LOXHD1: variants seen among roughly 807,000 people sequenced by gnomAD.
LOXHD1 encodes the protein lipoxygenase homology domain-containing protein 1.
In LOXHD1, 205 loss-of-function variants were observed where a neutral mutation model predicts 248.2. The ratio of observed to expected loss-of-function variants is 0.83; its 90% CI spans 0.74 to 0.93. LOXHD1 has a LOEUF of 0.93. Among genes scored for constraint, LOXHD1 ranks in the 40% least tolerant of loss-of-function variants. The pLI is 0.00. For synonymous variants in LOXHD1, 1,113 were observed against 1,162.8 expected (o/e 0.96, Z 0.87); for missense variants, 2,930 against 2,971.6 (o/e 0.99, Z 0.33).
rs2038498323 is a variant in LOXHD1 at position 46,610,905 on chromosome 18, A to G, written c.630T>C (p.Asn210=). The stretch of plus-strand genomic sequence containing the variant: ...CTCCCTTTTCAAAGTTGTCCTTTTC[A>G]TTTTCTAGCCTACGCTCCCCTGTAT... ...YGDTGERRLE[N]EKDNFEKGAE... is the part of the protein sequence containing the mutation. Residue 210 remains asparagine (N), a synonymous_variant, in exon 6 of 41, where the codon AAT becomes AAC. Coordinates refer to ENST00000642948, the MANE Select transcript of LOXHD1 (RefSeq NM_001384474.1). 1 of 1,551,726 alleles carries G rather than the reference A, an allele frequency of 6.4e-7. No homozygotes were observed.
chr18:46,625,210 G>A (rs544113099), intron 4 of LOXHD1, among the ~76,000 whole-genome samples: 10 of 152,242 alleles, frequency 6.6e-5, no homozygotes, highest in African/African-American at 2.2e-4. Context: ...GTTCCCACCT[G>A]CCAAACCCAC....
Position 46,522,176 on chromosome 18 carries a change from C to T in LOXHD1, c.5010G>A (p.Lys1670=), listed in dbSNP as rs1198605955. The change falls in exon 32 of 41, where the codon AAG becomes AAA. Residue 1670 remains lysine (K), a synonymous_variant. Coordinates refer to ENST00000642948, the MANE Select transcript of LOXHD1 (RefSeq NM_001384474.1). ...KRIWLDYPRG[K]RGFSRGSVEE... is the part of the protein sequence containing the mutation. ...CCACAGAGCCACGGCTGAAGCCCCT[C>T]TTCCCTCGGGGGTAGTCCAACCAGA... 2 of 1,551,624 alleles carry T rather than the reference C, an allele frequency of 1.3e-6. No individual in the cohort carries two copies. The highest frequency in any genetic ancestry group is 2.7e-5 in the African/African-American group (2 of 73,040).
At chr18:46,641,121 C>G (rs759471262) in intron 3 of LOXHD1, among the ~76,000 whole-genome samples, 1 of 151,890 alleles carries the variant, frequency 6.6e-6, no homozygotes, top group Non-Finnish European at 1.5e-5. Context: ...CTGCTCGTAA[C>G]CTCCTTCCCT....
At chr18:46,513,192 C>CT (rs2035065545) in intron 34 of LOXHD1, among the ~76,000 whole-genome samples, 1 of 152,210 alleles carries the variant, frequency 6.6e-6, no homozygotes, top group Non-Finnish European at 1.5e-5. Flanking sequence ...TGTACTTTTA[C>CT]ATATATATGT....
chr18:46,621,857 G>A (rs1445434294), intron 4 of LOXHD1, among the ~76,000 whole-genome samples: 1 of 152,140 alleles, frequency 6.6e-6, no homozygotes, highest in African/African-American at 2.4e-5. Context: ...AAAATGACAT[G>A]GTGGATTCAC....
At chr18:46,613,486 A>G (rs2038538520) in intron 5 of LOXHD1, among the ~76,000 whole-genome samples, 1 of 152,036 alleles carries the variant, frequency 6.6e-6, no homozygotes, top group African/African-American at 2.4e-5. Context: ...GTAGATGATC[A>G]TTATTTTTTA....
chr18:46,483,686 C>A lies in LOXHD1; in HGVS notation c.6242G>T (p.Cys2081Phe). Residue 2081 changes from cysteine to phenylalanine, a missense_variant, in exon 40 of 41, where the codon TGT (cysteine) becomes TTT (phenylalanine). Coordinates refer to ENST00000642948, the MANE Select transcript of LOXHD1 (RefSeq NM_001384474.1). The stretch of plus-strand genomic sequence containing the variant: ...GTCTTCCCTGGCAAGGTGGCCCACA[C>A]AGAGGGAGGCAATGTCCCCCAAGTA... ...SIYLGDIASLCVGHLAREDRF... is the reference protein window; with the variant it reads ...SIYLGDIASLFVGHLAREDRF... 7 of 1,551,784 alleles carry A rather than the reference C, an allele frequency of 4.5e-6. No individual in the cohort carries two copies. Among genetic ancestry groups the A allele is most frequent in the Non-Finnish European group, 6.1e-6 (7 of 1,147,010 alleles).
Position 46,594,413 on chromosome 18 carries a change from G to A in LOXHD1, c.1188C>T (p.Asn396=), listed in dbSNP as rs2038225956. ...CATCCGCTTTCTTCTCATCCAGCCA[G>A]TTGCTACAAGGGAAGGTCTGCTGGA... The part of the protein sequence containing the change: ...TGIQQTFPCS[N]WLDEKKADGL... The change falls in exon 9 of 41, where the codon AAC becomes AAT. Residue 396 remains asparagine (N), a synonymous_variant. Coordinates refer to ENST00000642948, the MANE Select transcript of LOXHD1 (RefSeq NM_001384474.1). The A allele has an allele frequency of 6.4e-7, 1 of 1,551,624 alleles. No individual in the cohort carries two copies. The highest frequency in any genetic ancestry group is 8.7e-7 in the Non-Finnish European group (1 of 1,146,990).
chr18:46,594,589 A>G, intron 8 of LOXHD1, 123 bp from the exon 9 acceptor site: 1 of 1,195,320 alleles, frequency 8.4e-7, no homozygotes, highest in Admixed American at 2.4e-5. Context: ...AAGGAATGGC[A>G]CCTTTTCTGT....
chr18:46,524,675 A>T (rs1320757756), intron 30 of LOXHD1, 33 bp downstream of exon 30: 1 of 1,551,322 alleles, frequency 6.4e-7, no homozygotes, highest in Admixed American at 2.0e-5. Flanking sequence ...AGGCATGAGG[A>T]TGGCCACAGG....
At chr18:46,644,047 G>C (rs1299947652) in intron 2 of LOXHD1, among the ~76,000 whole-genome samples, 3 of 152,116 alleles carry the variant, frequency 2.0e-5, no homozygotes, top group Non-Finnish European at 4.4e-5. Flanking sequence ...CCTTGTTCTT[G>C]TCTATATACA....
At position 46,541,860 on chromosome 18, in the gene LOXHD1, G is replaced by T. The variant is rs201518726; in HGVS notation, c.3829C>A (p.Arg1277Ser). Residue 1277 changes from arginine to serine, a missense_variant, in exon 25 of 41, where the codon CGC becomes AGC. Physicochemically the swap from Arg to Ser is moderately radical, Grantham distance 110. Transcript: ENST00000642948. ...TCGTCTTCGTTTTTGGCCAGCCAGC[G>T]GCCACAGGGAAACGTCATGCACTTC... The part of the protein sequence containing the change: ...LGKCMTFPCG[R>S]WLAKNEDDGS... 1 of 1,551,732 alleles carries T rather than the reference G, an allele frequency of 6.4e-7. No individual in the cohort carries two copies. Among genetic ancestry groups the T allele is most frequent in the Admixed American group, 2.0e-5 (1 of 51,014 alleles).
chr18:46,640,839 G>A (rs997842716), intron 3 of LOXHD1, among the ~76,000 whole-genome samples: 1 of 151,984 alleles, frequency 6.6e-6, no homozygotes, highest in Non-Finnish European at 1.5e-5. Context: ...CCTCTCCAAC[G>A]TCCAGTTTCT....
chr18:46,559,740 C>T (rs910331025), intron 19 of LOXHD1, 138 bp from the exon 20 acceptor site: 1 of 1,001,206 alleles, frequency 1.0e-6, no homozygotes, highest in Non-Finnish European at 1.4e-6. Flanking sequence ...GGGACTGAAA[C>T]TGCCCACACT....
chr18:46,495,702 A>C (rs1227384050), intron 37 of LOXHD1, among the ~76,000 whole-genome samples: 1 of 152,222 alleles, frequency 6.6e-6, no homozygotes, highest in Non-Finnish European at 1.5e-5. Flanking sequence ...ATACAATATT[A>C]AGAAAATTTA....
At chr18:46,609,684 T>C (rs539816892) in intron 6 of LOXHD1, among the ~76,000 whole-genome samples, 30 of 152,340 alleles carry the variant, frequency 2.0e-4, no homozygotes, top group African/African-American at 6.7e-4. Flanking sequence ...TTTAATACTC[T>C]TTTGGTATTT....
intron 23 of LOXHD1, among the ~76,000 whole-genome samples, chr18:46,543,471 G>T (rs948314402): frequency 6.6e-6 from 1 of 152,038 alleles, no homozygotes; most frequent in Non-Finnish European, 1.5e-5. Flanking sequence ...AGAACATGAG[G>T]TTTTTTTACA....
chr18:46,631,942 T>A (rs939697792), intron 4 of LOXHD1, among the ~76,000 whole-genome samples: 3 of 152,176 alleles, frequency 2.0e-5, no homozygotes, highest in Non-Finnish European at 2.9e-5. Context: ...TCAGGGTTGA[T>A]GAATGCTGGA....
At chr18:46,535,853 G>A (rs1290802498) in intron 26 of LOXHD1, among the ~76,000 whole-genome samples, 2 of 152,186 alleles carry the variant, frequency 1.3e-5, no homozygotes, top group Non-Finnish European at 2.9e-5. Context: ...TTACAGGCGT[G>A]AGCCACCGCG....
Sources: gnomAD v4.1 joint callset for allele counts (sites outside exome capture counted in the v4.1 genomes callset) on GRCh38, gnomAD v4.1.1 for gene constraint, MANE v1.5 for transcripts, NCBI Gene and HGNC (gene_info 2026-07-23, HGNC 2026-07-21) for gene names.